The following MARCHF6 variants were observed in gnomAD, a reference collection of about 807,000 sequenced individuals.
The protein encoded by MARCHF6 is E3 ubiquitin-protein ligase MARCHF6.
MARCHF6 carries 31 observed loss-of-function variants against 133.7 expected under a neutral mutation model. That is an observed-to-expected ratio of 0.23 (90% CI 0.17 to 0.31). The LOEUF is 0.31. Ranked by LOEUF, MARCHF6 falls within the 10% of genes least tolerant of loss-of-function variation. The pLI, the probability that MARCHF6 is intolerant of heterozygous loss-of-function variation, is 1.00. For synonymous variants in MARCHF6, 395 were observed against 402.5 expected, an observed-to-expected ratio of 0.98 and a Z score of 0.22; for missense variants, 723 against 1,121.6, an observed-to-expected ratio of 0.64 and a Z score of 5.08.
chr5:10,374,021 TGTA>T (rs963725013), intron 1 of MARCHF6, among the ~76,000 whole-genome samples: 1 of 151,964 alleles, frequency 6.6e-6, no homozygotes, highest in African/African-American at 2.4e-5. Flanking sequence ...AGGTGGCAGT[TGTA>T]GTGCCTACTG....
intron 25 of MARCHF6, among the ~76,000 whole-genome samples, chr5:10,430,381 C>G (rs757259731): frequency 6.7e-6 from 1 of 148,964 alleles, no homozygotes; most frequent in Non-Finnish European, 1.5e-5. Context: ...ACTTGGCTCA[C>G]TGCAACCTCC....
chr5:10,413,297 C>T (rs1166382437), intron 19 of MARCHF6: 1 of 152,268 alleles, frequency 6.6e-6, no homozygotes, highest in African/African-American at 2.4e-5. Context: ...TTCTGAGCAA[C>T]AGTTACTTTC....
chr5:10,379,170 T>C (rs1403993975), intron 3 of MARCHF6, among the ~76,000 whole-genome samples: 1 of 152,170 alleles, frequency 6.6e-6, no homozygotes, highest in African/African-American at 2.4e-5. Context: ...TGTCAACTCA[T>C]AGCCTGTCTT....
At chr5:10,359,264 G>T (rs1355085398) in intron 1 of MARCHF6, among the ~76,000 whole-genome samples, 1 of 152,190 alleles carries the variant, frequency 6.6e-6, no homozygotes, top group East Asian at 1.9e-4. Flanking sequence ...ATGTGCCATA[G>T]ATTGAGGTTT....
chr5:10,417,439 A>G (rs747137570), intron 22 of MARCHF6, 35 bp downstream of exon 22: 2 of 1,611,364 alleles, frequency 1.2e-6, no homozygotes, highest in South Asian at 1.1e-5. Context: ...TTATTTCATT[A>G]AGGATTTGAG....
rs894003136 is a variant in MARCHF6 at position 10,353,767 on chromosome 5, C to T, written c.-132C>T. On this transcript the variant is annotated 5_prime_UTR_variant, in exon 1 of 26. Coordinates refer to ENST00000274140, the MANE Select transcript of MARCHF6 (RefSeq NM_005885.4). Reference sequence around the variant, plus strand: ...CTCCCTCTCCCTCTCCCCTCTCCTTCCTCTCGCTTCCTCTCTCGCACCTGA... The same window carrying T: ...CTCCCTCTCCCTCTCCCCTCTCCTTTCTCTCGCTTCCTCTCTCGCACCTGA... 484 of 598,974 alleles carry T rather than the reference C, an allele frequency of 8.1e-4. No homozygotes were observed. Among genetic ancestry groups the T allele is most frequent in the Non-Finnish European group, 1.3e-3 (444 of 354,196 alleles). The allele number at this position is 598,974 out of a possible 1,614,324, so 37.1% of individuals were successfully genotyped here.
intron 1 of MARCHF6, among the ~76,000 whole-genome samples, chr5:10,359,963 G>A (rs1225576808): frequency 6.6e-6 from 1 of 151,784 alleles, no homozygotes; most frequent in African/African-American, 2.4e-5. Flanking sequence ...CCGAGATCGC[G>A]CCACTGCACT....
chr5:10,405,615 C>A lies in MARCHF6; in HGVS notation c.1390C>A (p.Pro464Thr). Reference sequence around the variant, plus strand: ...GAATTTGAATGATCCAGATTTCAATCCAGTACAGGAAATGATCCATTTGCC... The same window carrying A: ...GAATTTGAATGATCCAGATTTCAATACAGTACAGGAAATGATCCATTTGCC... ...LRNLNDPDFN[P>T]VQEMIHLPIY... The change falls in exon 16 of 26, where the codon CCA becomes ACA. Residue 464 changes from proline (P) to threonine (T), a missense_variant. Physicochemically the swap from Pro to Thr is conservative, Grantham distance 38. Coordinates refer to ENST00000274140, the MANE Select transcript of MARCHF6 (RefSeq NM_005885.4). 1 of 1,610,584 alleles carries A rather than the reference C, an allele frequency of 6.2e-7. No homozygotes were observed.
At chr5:10,428,973 T>C (rs1344286607) in intron 24 of MARCHF6, among the ~76,000 whole-genome samples, 32 of 152,200 alleles carry the variant, frequency 2.1e-4, no homozygotes, top group Admixed American at 2.1e-3. Context: ...GGGTAGCTTT[T>C]TAATATGTTT....
intron 1 of MARCHF6, among the ~76,000 whole-genome samples, chr5:10,377,074 G>A (rs965724438): frequency 9.9e-5 from 15 of 152,148 alleles, no homozygotes; most frequent in South Asian, 2.1e-4. Flanking sequence ...TTCCTCTGCC[G>A]TCGTGCTGCT....
At chr5:10,433,487 C>A in intron 25 of MARCHF6, 107 bp from the exon 26 acceptor site, 1 of 806,550 alleles carries the variant, frequency 1.2e-6, no homozygotes, top group Non-Finnish European at 2.1e-6. Context: ...CTTTGACTTG[C>A]CCAACCATTG....
intron 22 of MARCHF6, among the ~76,000 whole-genome samples, chr5:10,418,455 A>T (rs1355812581): frequency 1.3e-5 from 2 of 151,920 alleles, no homozygotes; most frequent in Non-Finnish European, 2.9e-5. Context: ...AAGCTCATGG[A>T]AAAAGAAATG....
At chr5:10,386,800 T>C (rs1737507166) in intron 4 of MARCHF6, 194 bp from the exon 5 acceptor site, 2 of 464,700 alleles carry the variant, frequency 4.3e-6, no homozygotes, top group Non-Finnish European at 7.9e-6. Flanking sequence ...GTGTAACATT[T>C]ACTCTTCATT....
At chr5:10,370,538 GAT>G (rs2126671577) in intron 1 of MARCHF6, among the ~76,000 whole-genome samples, 1 of 152,134 alleles carries the variant, frequency 6.6e-6, no homozygotes, top group Admixed American at 6.5e-5. Flanking sequence ...ATCTTCTTGT[GAT>G]TTAAATTTGC....
chr5:10,359,454 T>A (rs1420593213), intron 1 of MARCHF6, among the ~76,000 whole-genome samples: 1 of 152,180 alleles, frequency 6.6e-6, no homozygotes, highest in African/African-American at 2.4e-5. Flanking sequence ...CAATACATAT[T>A]GTAAGAATGC....
At chr5:10,422,529 TC>T (rs1176108397) in intron 22 of MARCHF6, among the ~76,000 whole-genome samples, 1 of 152,050 alleles carries the variant, frequency 6.6e-6, no homozygotes, top group Non-Finnish European at 1.5e-5. Flanking sequence ...AACCATAAGA[TC>T]AGAGAATTTA....
At chr5:10,405,321 T>G (rs541990374) in intron 15 of MARCHF6, among the ~76,000 whole-genome samples, 1 of 152,290 alleles carries the variant, frequency 6.6e-6, no homozygotes, top group East Asian at 1.9e-4. Flanking sequence ...TGAATGTTTT[T>G]TTTTTCCCCC....
chr5:10,369,170 CA>C, intron 1 of MARCHF6, among the ~76,000 whole-genome samples: 1 of 152,296 alleles, frequency 6.6e-6, no homozygotes, highest in South Asian at 2.1e-4. Context: ...CCTCATATTT[CA>C]TTGACCAAAG....
intron 1 of MARCHF6, among the ~76,000 whole-genome samples, chr5:10,367,106 A>G (rs1034576803): frequency 6.6e-6 from 1 of 152,190 alleles, no homozygotes; most frequent in Non-Finnish European, 1.5e-5. Context: ...GACATTCTAC[A>G]GTGTACCTGA....
Sources: allele counts gnomAD v4.1 joint callset (sites outside exome capture counted in the v4.1 genomes callset), GRCh38; gene constraint gnomAD v4.1.1; transcripts MANE v1.5; gene names NCBI Gene and HGNC (gene_info 2026-07-23, HGNC 2026-07-21).